ATP2B2: variants seen among roughly 807,000 people sequenced by gnomAD.
ATP2B2 encodes the protein ATPase plasma membrane Ca2+ transporting 2.
A neutral mutation model predicts 120.0 loss-of-function variants in ATP2B2; 15 were observed. The ratio of observed to expected loss-of-function variants is 0.12; its 90% CI spans 0.08 to 0.19. The LOEUF (loss-of-function observed/expected upper bound fraction) is 0.19, where lower values mean the gene tolerates loss of function less well. Among genes scored for constraint, ATP2B2 ranks in the 10% least tolerant of loss-of-function variants. The probability of loss-of-function intolerance (pLI) is 1.00; values close to 1 mark genes in which losing one functional copy is unlikely to be tolerated. For synonymous variants in ATP2B2, 694 were observed against 700.3 expected (o/e 0.99, Z 0.14); for missense variants, 1,045 against 1,719.8 (o/e 0.61, Z 6.94).
chr3:10,350,614 A>C, intron 14 of ATP2B2, 37 bp from the exon 15 acceptor site: 3 of 1,598,460 alleles, frequency 1.9e-6, no homozygotes, highest in Non-Finnish European at 2.6e-6. Flanking sequence ...GGAGGGCACC[A>C]CCTCAGGCAG....
At chr3:10,447,628 T>C (rs1445369410) in intron 2 of ATP2B2, among the ~76,000 whole-genome samples, 1 of 152,204 alleles carries the variant, frequency 6.6e-6, no homozygotes, top group Non-Finnish European at 1.5e-5. Context: ...CAAAGGCCAC[T>C]TGAACAACCC....
chr3:10,339,810 C>A (rs552354253), intron 21 of ATP2B2, among the ~76,000 whole-genome samples: 7 of 152,334 alleles, frequency 4.6e-5, no homozygotes, highest in African/African-American at 1.7e-4. Flanking sequence ...ATCTCCCTTC[C>A]TAACAAGCTG....
At chr3:10,631,073 G>C (rs968591388) in intron 1 of ATP2B2, among the ~76,000 whole-genome samples, 1 of 152,232 alleles carries the variant, frequency 6.6e-6, no homozygotes, top group Non-Finnish European at 1.5e-5. Context: ...GCCCAGCTGC[G>C]TGTCCTGGAG....
intron 1 of ATP2B2, among the ~76,000 whole-genome samples, chr3:10,654,672 G>A (rs1343486970): frequency 2.0e-5 from 3 of 152,068 alleles, no homozygotes; most frequent in African/African-American, 7.2e-5. Flanking sequence ...GGTCCCAGGA[G>A]GAAAGTGGTA....
chr3:10,632,358 C>T (rs746330495), intron 1 of ATP2B2, among the ~76,000 whole-genome samples: 1 of 152,192 alleles, frequency 6.6e-6, no homozygotes, highest in African/African-American at 2.4e-5. Flanking sequence ...ATGACATCAG[C>T]ATGGCCCTGG....
intron 2 of ATP2B2, among the ~76,000 whole-genome samples, chr3:10,592,286 A>C (rs2068662607): frequency 6.6e-6 from 1 of 152,248 alleles, no homozygotes; most frequent in African/African-American, 2.4e-5. Flanking sequence ...AGTGGATGGC[A>C]GAGAGATTTG....
intron 1 of ATP2B2, among the ~76,000 whole-genome samples, chr3:10,681,671 A>C (rs1056605528): frequency 6.6e-6 from 1 of 152,234 alleles, no homozygotes; most frequent in Non-Finnish European, 1.5e-5. Context: ...TATCTACTAC[A>C]TTCAGACTAT....
chr3:10,399,176 C>T (rs530346268), intron 5 of ATP2B2, among the ~76,000 whole-genome samples: 2 of 152,376 alleles, frequency 1.3e-5, no homozygotes, highest in East Asian at 3.9e-4. Context: ...TACCTGGCCA[C>T]TGCCCCCAAG....
At chr3:10,650,695 C>G (rs1235074967) in intron 1 of ATP2B2, among the ~76,000 whole-genome samples, 1 of 152,214 alleles carries the variant, frequency 6.6e-6, no homozygotes, top group South Asian at 2.1e-4. Flanking sequence ...GGCTTGCCCC[C>G]CTGCTCTGTG....
rs1464518938 is a variant in ATP2B2, at chr3:10,346,325, C to T, written c.2405-188G>A. ...AGCTGCCAGCAGGTTACAGTGGGCT[C>T]CTTACTGGGCTGGTGCCGACTTGGG... On this transcript the variant is annotated intron_variant, in intron 16 of 22. Coordinates refer to ENST00000360273, the MANE Select transcript of ATP2B2 (RefSeq NM_001001331.4). The surrounding 1 kb of genome is among the most constrained non-coding windows in gnomAD (Gnocchi z 4.1). Among the ~76,000 whole-genome samples the T allele has an allele frequency of 3.9e-5, 6 of 152,370 alleles. No individual in the cohort carries two copies. Among genetic ancestry groups the T allele is most frequent in the Admixed American group, 3.9e-4 (6 of 15,308 alleles).
intron 12 of ATP2B2, among the ~76,000 whole-genome samples, chr3:10,360,396 C>T (rs1053816480): frequency 6.6e-5 from 10 of 152,228 alleles, no homozygotes; most frequent in Admixed American, 1.3e-4. Flanking sequence ...AACAAAGTTA[C>T]GTGCCTATCA....
At chr3:10,350,728 G>T in intron 14 of ATP2B2, 151 bp from the exon 15 acceptor site, 1 of 791,866 alleles carries the variant, frequency 1.3e-6, no homozygotes, top group South Asian at 1.8e-5. Flanking sequence ...ATGGCATATG[G>T]GCCACAGCCT....
chr3:10,506,234 C>T (rs368638797), upstream of ATP2B2, among the ~76,000 whole-genome samples: 2 of 152,070 alleles, frequency 1.3e-5, no homozygotes, highest in Non-Finnish European at 2.9e-5. Flanking sequence ...TGCCCTGAAG[C>T]GCTACCCCTG....
intron 1 of ATP2B2, among the ~76,000 whole-genome samples, chr3:10,456,068 GA>G (rs60540566): frequency 0.037 from 5,636 of 152,298 alleles, 141 homozygotes; most frequent in Admixed American, 0.064. Flanking sequence ...GTCTTTGCCA[GA>G]AGGGAGGTTG....
At chr3:10,636,394 T>C (rs1181530246) in intron 1 of ATP2B2, among the ~76,000 whole-genome samples, 1 of 152,098 alleles carries the variant, frequency 6.6e-6, no homozygotes, top group Non-Finnish European at 1.5e-5. Context: ...GGCTAGGAGA[T>C]TGGGCTCACT....
intron 12 of ATP2B2, among the ~76,000 whole-genome samples, chr3:10,364,998 G>C (rs762981360): frequency 5.3e-5 from 8 of 152,182 alleles, no homozygotes. Context: ...AGTTCTTCAC[G>C]TGCATCACCT....
chr3:10,367,474 A>G (rs2061097713), intron 12 of ATP2B2, among the ~76,000 whole-genome samples: 1 of 152,080 alleles, frequency 6.6e-6, no homozygotes, highest in Admixed American at 6.5e-5. Flanking sequence ...ATAGCAAACT[A>G]CAGAGGGGAA....
At chr3:10,539,453 C>T (rs578055535) in intron 2 of ATP2B2, among the ~76,000 whole-genome samples, 28 of 152,320 alleles carry the variant, frequency 1.8e-4, no homozygotes, top group South Asian at 1.4e-3. Context: ...GGAGACATCA[C>T]GCTACCTGAC....
intron 2 of ATP2B2, among the ~76,000 whole-genome samples, chr3:10,420,991 C>T (rs1262564584): frequency 1.3e-5 from 2 of 152,160 alleles, no homozygotes; most frequent in Non-Finnish European, 2.9e-5. Context: ...ACTTAGTGGT[C>T]CCTGGAGCGG....
Sources: gnomAD v4.1 joint callset for allele counts (sites outside exome capture counted in the v4.1 genomes callset) on GRCh38, gnomAD v4.1.1 for gene constraint, Gnocchi (gnomAD v3.1) non-coding constraint, MANE v1.5 for transcripts, NCBI Gene and HGNC (gene_info 2026-07-23, HGNC 2026-07-21) for gene names.